AP1M1: variants seen among roughly 807,000 people sequenced by gnomAD.
AP1M1 encodes the protein adaptor related protein complex 1 subunit mu 1.
AP1M1 carries 18 observed loss-of-function variants against 57.1 expected under a neutral mutation model. That is an observed-to-expected ratio of 0.32 (90% CI 0.22 to 0.47). The LOEUF (loss-of-function observed/expected upper bound fraction) is 0.47, where lower values mean the gene tolerates loss of function less well. Among genes scored for constraint, AP1M1 ranks in the 20% least tolerant of loss-of-function variants. The pLI, the probability that AP1M1 is intolerant of heterozygous loss-of-function variation, is 1.00. For synonymous variants in AP1M1, 241 were observed against 237.9 expected (o/e 1.01, Z -0.12); for missense variants, 362 against 593.5 (o/e 0.61, Z 4.05).
chr19:16,200,661 G>A lies in AP1M1; in HGVS notation c.42+2593G>A, dbSNP rs143869012. 4.4e-3 allele frequency among the ~76,000 whole-genome samples: 663 copies of A among 152,280 alleles called. 4 individuals are homozygous for A. Among genetic ancestry groups the A allele is most frequent in the African/African-American group, 0.015 (620 of 41,554 alleles). ...ATTCATGGCCACGTGTCTGGTCACCGAGGACACCAGCGTGGCCACACTGGG... is the reference window on the plus strand; with the variant it reads ...ATTCATGGCCACGTGTCTGGTCACCAAGGACACCAGCGTGGCCACACTGGG... On this transcript the variant is annotated intron_variant, in intron 1 of 11. Transcript: ENST00000291439.
chr19:16,210,511 G>A, intron 5 of AP1M1: 1 of 658,806 alleles, frequency 1.5e-6, no homozygotes, highest in Admixed American at 2.2e-5. Context: ...TTTTATTTTT[G>A]TCATCCTAAT....
At position 16,234,727 on chromosome 19, in the gene AP1M1, C is replaced by G. The variant is rs1326003218; in HGVS notation, c.*292C>G. The stretch of plus-strand genomic sequence containing the variant: ...CGTGTAGAGGTTACAGCCTTTTATG[C>G]TGTTGAGCTCCCAGGTACCAAAAAG... On this transcript the variant is annotated 3_prime_UTR_variant, in exon 12 of 12. Coordinates refer to ENST00000291439, the MANE Select transcript of AP1M1 (RefSeq NM_032493.4). 9.8e-6 allele frequency: 5 copies of G among 510,470 alleles called. No homozygotes were observed. The highest frequency in any genetic ancestry group is 1.8e-5 in the Non-Finnish European group (5 of 284,656). 31.6% of individuals were successfully genotyped at this position (510,470 alleles called of 1,614,324 possible).
intron 1 of AP1M1, among the ~76,000 whole-genome samples, chr19:16,198,967 C>A (rs908185415): frequency 2.6e-5 from 4 of 152,066 alleles, no homozygotes; most frequent in South Asian, 2.1e-4. Flanking sequence ...GCCACTACGC[C>A]GAGCTAAATT....
intron 4 of AP1M1, chr19:16,208,760 C>T (rs2091480706): frequency 5.6e-6 from 2 of 359,652 alleles, no homozygotes. Context: ...TCCTTCCCAA[C>T]ATGGTCTTCT....
Position 16,197,950 on chromosome 19 carries a change from G to A in AP1M1, c.-77G>A. 9.4e-7 allele frequency: 1 copy of A among 1,058,790 alleles called. No homozygotes were observed. Among genetic ancestry groups the A allele is most frequent in the South Asian group, 1.9e-5 (1 of 51,690 alleles). 65.6% of individuals were successfully genotyped at this position (1,058,790 alleles called of 1,614,324 possible). On this transcript the variant is annotated 5_prime_UTR_variant, in exon 1 of 12. Transcript: ENST00000291439. ...GCTGTCGCGGGCGGCGCCCGGCCTT[G>A]CTCAACGCCCAGCAGTCCCCACCGT...
chr19:16,203,336 G>A lies in AP1M1; in HGVS notation c.43-123G>A, dbSNP rs753165506. On this transcript the variant is annotated intron_variant, in intron 1 of 11. Transcript: ENST00000291439. The surrounding 1 kb of genome is among the most constrained non-coding windows in gnomAD (Gnocchi z 4.6). ...ACGGCCTCAAGTCCTGCTCTTTTGC[G>A]GATAGTGGCCATGACCGGAGTCCCC... The A allele has an allele frequency of 5.3e-6, 5 of 943,846 alleles. No individual in the cohort carries two copies. The African/African-American group carries it at 6.6e-5, about 12-fold the overall frequency. The allele number at this position is 943,846 out of a possible 1,614,324, so 58.5% of individuals were successfully genotyped here.
At chr19:16,233,928 AGCCAGGGGCCTTCT>A in intron 10 of AP1M1, 1 of 550,290 alleles carries the variant, frequency 1.8e-6, no homozygotes, top group East Asian at 3.1e-5. Context: ...GCTCCCAGAG[AGCCAGGGGCCTTCT>A]GGCCGGGCCC....
rs2091454906 is a variant in AP1M1, at chr19:16,202,993, TGAAA to T, written c.43-463_43-460del. ...GCTGTATATCCTGACCCACAGGCTA[TGAAA>T]GAGAGAGACCAGGAAGAGGGCTTCT... On this transcript the variant is annotated intron_variant, in intron 1 of 11. Transcript: ENST00000291439. 3.2e-5 allele frequency: 6 copies of T among 186,520 alleles called. 1 individual carries two copies. The highest frequency in any genetic ancestry group is 1.6e-4 in the Admixed American group (3 of 18,700). 11.6% of individuals were successfully genotyped at this position (186,520 alleles called of 1,614,324 possible).
At chr19:16,229,826 C>T (rs1398936456) in intron 9 of AP1M1, among the ~76,000 whole-genome samples, 1 of 152,206 alleles carries the variant, frequency 6.6e-6, no homozygotes, top group African/African-American at 2.4e-5. Flanking sequence ...TGCTTTTCCT[C>T]ATTATGTGCA....
At chr19:16,231,017 T>G (rs192951530) in intron 9 of AP1M1, among the ~76,000 whole-genome samples, 17 of 151,996 alleles carry the variant, frequency 1.1e-4, no homozygotes, top group South Asian at 8.3e-4. Context: ...GGCCAGGCGC[T>G]GTGGCTCACG....
intron 5 of AP1M1, among the ~76,000 whole-genome samples, chr19:16,220,401 T>C (rs2091539021): frequency 6.6e-6 from 1 of 151,400 alleles, no homozygotes; most frequent in East Asian, 1.9e-4. Flanking sequence ...GTTTTTTGTG[T>C]TTTTTTTGAG....
intron 1 of AP1M1, among the ~76,000 whole-genome samples, chr19:16,202,574 A>G (rs1005926233): frequency 1.1e-4 from 17 of 152,112 alleles, no homozygotes; most frequent in Admixed American, 9.8e-4. Context: ...AGGATTTTAT[A>G]CACGTGCAGT....
intron 5 of AP1M1, among the ~76,000 whole-genome samples, chr19:16,221,075 A>C (rs1281213691): frequency 6.6e-6 from 1 of 152,210 alleles, no homozygotes; most frequent in Non-Finnish European, 1.5e-5. Flanking sequence ...GTCTTTCATC[A>C]AATTGGGAAG....
Position 16,228,137 on chromosome 19 carries a change from G to T in AP1M1, c.817G>T (p.Val273Phe). Reference protein sequence around the residue: ...ELMSYRLNTHVKPLIWIESVI... With the variant: ...ELMSYRLNTHFKPLIWIESVI... ...GCACCCTCTTTGCCCTCCTTGGCAG[G>T]TCAAGCCTTTGATATGGATCGAGTC... The change falls in exon 8 of 12, where the codon GTC becomes TTC. Residue 273 changes from valine to phenylalanine, a missense_variant and splice_region_variant. Val to Phe is a conservative substitution (Grantham distance 50, BLOSUM62 -1). Coordinates refer to ENST00000291439, the MANE Select transcript of AP1M1 (RefSeq NM_032493.4). The surrounding 1 kb of genome is among the most constrained non-coding windows in gnomAD (Gnocchi z 5.0). The T allele has an allele frequency of 1.2e-6, 2 of 1,613,860 alleles. No individual in the cohort carries two copies. The highest frequency in any genetic ancestry group is 8.5e-7 in the Non-Finnish European group (1 of 1,180,020).
chr19:16,225,936 C>G (rs556897109), intron 5 of AP1M1, among the ~76,000 whole-genome samples: 1 of 152,154 alleles, frequency 6.6e-6, no homozygotes, highest in Non-Finnish European at 1.5e-5. Context: ...CCCAGCCCAT[C>G]GGCTGAGCAG....
In AP1M1 at chr19:16,234,813, G is replaced by A. The variant is rs2091617975; in HGVS notation, c.*378G>A. On this transcript the variant is annotated 3_prime_UTR_variant, in exon 12 of 12. Coordinates refer to ENST00000291439, the MANE Select transcript of AP1M1 (RefSeq NM_032493.4). Reference sequence around the variant, plus strand: ...GGCATCTGCCACGAAGGAAGCGCCAGCCTCGCCAGGCCAGCAGGGGCGTCG... The same window carrying A: ...GGCATCTGCCACGAAGGAAGCGCCAACCTCGCCAGGCCAGCAGGGGCGTCG... The A allele has an allele frequency of 2.7e-6, 1 of 375,784 alleles. No homozygotes were observed. The allele number at this position is 375,784 out of a possible 1,614,324, so 23.3% of individuals were successfully genotyped here.
At chr19:16,214,923 G>A (rs2091511159) in intron 5 of AP1M1, among the ~76,000 whole-genome samples, 1 of 151,072 alleles carries the variant, frequency 6.6e-6, no homozygotes, top group Admixed American at 6.6e-5. Flanking sequence ...TAATGTATAT[G>A]TTTTTGGTAG....
In AP1M1 at chr19:16,227,904, C is replaced by T. The variant is rs537579137; in HGVS notation, c.816+214C>T. ...CACCACCCCTTTCCCAGGCAGCCCC[C>T]AGAGCAGGCCCTGGTCATGTTTTCT... On this transcript the variant is annotated intron_variant, in intron 7 of 11. Transcript: ENST00000291439. The surrounding 1 kb of genome is among the most constrained non-coding windows in gnomAD (Gnocchi z 6.2). Among the ~76,000 whole-genome samples the T allele has an allele frequency of 2.8e-4, 43 of 152,320 alleles. No homozygotes were observed. The highest frequency in any genetic ancestry group is 1.0e-3 in the African/African-American group (43 of 41,586).
chr19:16,198,246 T>A, intron 1 of AP1M1, 178 bp downstream of exon 1: 1 of 509,788 alleles, frequency 2.0e-6, no homozygotes, highest in Non-Finnish European at 3.3e-6. Flanking sequence ...GCGGGGGTCT[T>A]AAGTGGGTAA....
Sources: gnomAD v4.1 joint callset for allele counts (sites outside exome capture counted in the v4.1 genomes callset) on GRCh38, gnomAD v4.1.1 for gene constraint, Gnocchi (gnomAD v3.1) non-coding constraint, MANE v1.5 for transcripts, NCBI Gene and HGNC (gene_info 2026-07-23, HGNC 2026-07-21) for gene names.